Variants in GUCY2D observed in about 807,000 individuals in gnomAD.
GUCY2D encodes the protein guanylate cyclase 2D, retinal.
GUCY2D carries 70 observed loss-of-function variants against 101.3 expected under a neutral mutation model. That is an observed-to-expected ratio of 0.69 (90% confidence interval 0.57 to 0.84). The LOEUF is 0.84. GUCY2D is among the 40% of genes least tolerant of loss of function. GUCY2D has a pLI of 0.00. For synonymous variants in GUCY2D, 688 were observed against 670.7 expected, an observed-to-expected ratio of 1.03 and a Z score of -0.40; for missense variants, 1,460 against 1,542.5, an observed-to-expected ratio of 0.95 and a Z score of 0.90.
chr17:8,015,449 G>A lies in GUCY2D; in HGVS notation c.2891G>A (p.Arg964His), dbSNP rs1178480902. The A allele has an allele frequency of 2.5e-6, 4 of 1,613,694 alleles. No homozygotes were observed. Among genetic ancestry groups the A allele is most frequent in the Admixed American group, 1.7e-5 (1 of 60,026 alleles). ...ATCCTCAGTGCCGTGGGCACTTTCC[G>A]CATGCGCCATATGCCTGAGGTTCCC... ...LDILSAVGTF[R>H]MRHMPEVPVR... is the part of the protein sequence containing the mutation. The change falls in exon 15 of 20, where the codon CGC (arginine) becomes CAC (histidine). Residue 964 changes from arginine (R) to histidine (H), a missense_variant. Transcript: ENST00000254854.
chr17:8,006,626 C>G lies in GUCY2D; in HGVS notation c.1290C>G (p.Ala430=). ...CTGCCCGGGGCTCCTTCCTCTCCGC[C>G]GGTACCCGGATGCACTTCCCGCGTG... ...LDPARGSFLS[A]GTRMHFPRGG... Residue 430 remains alanine, a synonymous_variant, in exon 4 of 20, where the codon GCC becomes GCG. Coordinates refer to ENST00000254854, the MANE Select transcript of GUCY2D (RefSeq NM_000180.4). 6.2e-7 allele frequency: 1 copy of G among 1,612,860 alleles called. No homozygotes were observed. The highest frequency in any genetic ancestry group is 1.1e-5 in the South Asian group (1 of 90,820).
Position 8,014,145 on chromosome 17 carries a change from C to A in GUCY2D, c.2412+117C>A. ...GCAGGACCTCTGGCCTTCCAGGCTA[C>A]CTCCTAAGGAGTAGCCTGAAGACTC... is the stretch of plus-strand genomic sequence containing the variant. On this transcript the variant is annotated intron_variant, in intron 12 of 19. Transcript: ENST00000254854. This position sits in a 1 kb window ranked among gnomAD's most constrained non-coding sequence, Gnocchi z 4.0. 1 of 946,948 alleles carries A rather than the reference C, an allele frequency of 1.1e-6. No homozygotes were observed. Among genetic ancestry groups the A allele is most frequent in the East Asian group, 2.4e-5 (1 of 41,454 alleles). The allele number at this position is 946,948 out of a possible 1,614,324, so 58.7% of individuals were successfully genotyped here.
Position 8,002,804 on chromosome 17 carries a change from T to A in GUCY2D, c.-10+70T>A, listed in dbSNP as rs1325122381. ...GCGCAGGCGAGTCCCTGCTGACCCCTGACGCCTCCGACGGGGGGAGGGGCA... is the reference window on the plus strand; with the variant it reads ...GCGCAGGCGAGTCCCTGCTGACCCCAGACGCCTCCGACGGGGGGAGGGGCA... On this transcript the variant is annotated intron_variant, in intron 1 of 19. Coordinates refer to ENST00000254854, the MANE Select transcript of GUCY2D (RefSeq NM_000180.4). This position sits in a 1 kb window ranked among gnomAD's most constrained non-coding sequence, Gnocchi z 4.9. 10 of 517,740 alleles carry A rather than the reference T, an allele frequency of 1.9e-5. No homozygotes were observed. The highest frequency in any genetic ancestry group is 3.1e-5 in the Non-Finnish European group (9 of 294,678). 32.1% of individuals were successfully genotyped at this position (517,740 alleles called of 1,614,324 possible).
chr17:8,006,511 G>C lies in GUCY2D; in HGVS notation c.1175G>C (p.Gly392Ala). Residue 392 changes from glycine (G) to alanine (A), a missense_variant, in exon 4 of 20, where the codon GGG (glycine) becomes GCG (alanine). This residue lies in a region of GUCY2D where 1,196 missense variants were observed against 1,229.6 expected (regional missense o/e 0.97). Coordinates refer to ENST00000254854, the MANE Select transcript of GUCY2D (RefSeq NM_000180.4). ...IRDAQVPGFC[G>A]DLGGDEEPPF... is the part of the protein sequence containing the mutation. Reference sequence around the variant, plus strand: ...GATGCGCAGGTCCCTGGCTTCTGCGGGGACCTAGGAGGAGACGAGGAGCCC... The same window carrying C: ...GATGCGCAGGTCCCTGGCTTCTGCGCGGACCTAGGAGGAGACGAGGAGCCC... 1 of 1,610,066 alleles carries C rather than the reference G, an allele frequency of 6.2e-7. No individual in the cohort carries two copies. The highest frequency in any genetic ancestry group is 8.5e-7 in the Non-Finnish European group (1 of 1,179,996).
At position 8,013,262 on chromosome 17, in the gene GUCY2D, C is replaced by G; in HGVS notation, c.2263+10C>G. 6.2e-7 allele frequency: 1 copy of G among 1,613,596 alleles called. No homozygotes were observed. Among genetic ancestry groups the G allele is most frequent in the Non-Finnish European group, 8.5e-7 (1 of 1,179,708 alleles). ...GAGCTCACTCCCGAGGGTAAGGCTG[C>G]CCTGTGCGTGGAGTTCGGCCCACAG... On this transcript the variant is annotated intron_variant, in intron 11 of 19. Transcript: ENST00000254854. This position sits in a 1 kb window ranked among gnomAD's most constrained non-coding sequence, Gnocchi z 5.0.
Position 8,011,376 on chromosome 17 carries a change from C to A in GUCY2D, c.1750-768C>A, listed in dbSNP as rs1975848174. Among the ~76,000 whole-genome samples, 1 of 92,450 alleles carries A rather than the reference C, an allele frequency of 1.1e-5. No homozygotes were observed. Among genetic ancestry groups the A allele is most frequent in the Non-Finnish European group, 2.0e-5 (1 of 49,804 alleles). 60.7% of individuals were successfully genotyped at this position (92,450 alleles called of 152,430 possible). On this transcript the variant is annotated intron_variant, in intron 8 of 19. Transcript: ENST00000254854. The surrounding 1 kb of genome is among the most constrained non-coding windows in gnomAD (Gnocchi z 4.3). ...CCTGGGTGACAGAGTAAGAATCTGT[C>A]TAAAAAAAAAATACATAAACAAAAG... is the stretch of plus-strand genomic sequence containing the variant.
chr17:8,019,183 CTG>C (rs1437047861), intron 19 of GUCY2D, among the ~76,000 whole-genome samples: 3 of 152,186 alleles, frequency 2.0e-5, no homozygotes, highest in Non-Finnish European at 2.9e-5. Context: ...TTGGACCTGA[CTG>C]TGTGGATAGA....
chr17:8,011,524 C>T lies in GUCY2D; in HGVS notation c.1750-620C>T, dbSNP rs1057030349. ...TGCTTCCCTTAAGACCCAGGCAGTTCAGAGTTTTATGGCTGGGGCCAGGTG... is the reference window on the plus strand; with the variant it reads ...TGCTTCCCTTAAGACCCAGGCAGTTTAGAGTTTTATGGCTGGGGCCAGGTG... On this transcript the variant is annotated intron_variant, in intron 8 of 19. Transcript: ENST00000254854. The surrounding 1 kb of genome is among the most constrained non-coding windows in gnomAD (Gnocchi z 4.3). Among the ~76,000 whole-genome samples the T allele has an allele frequency of 1.3e-5, 2 of 151,900 alleles. No homozygotes were observed. Among genetic ancestry groups the T allele is most frequent in the South Asian group, 4.1e-4 (2 of 4,824 alleles).
At chr17:8,005,598 G>A (rs1975721883) in intron 3 of GUCY2D, among the ~76,000 whole-genome samples, 1 of 152,210 alleles carries the variant, frequency 6.6e-6, no homozygotes. Flanking sequence ...CCTGAAGGAT[G>A]GTCACTTCTA....
rs1261613028 is a variant in GUCY2D, at chr17:8,007,501, C to T, written c.1539C>T (p.Leu513=). 3.1e-6 allele frequency: 5 copies of T among 1,609,908 alleles called. No homozygotes were observed. The African/African-American group carries it at 6.7e-5, about 22-fold the overall frequency. The change falls in exon 6 of 20, where the codon CTC becomes CTT. Residue 513 remains leucine (L), a synonymous_variant. Coordinates refer to ENST00000254854, the MANE Select transcript of GUCY2D (RefSeq NM_000180.4). ...TGACCGTGGACGACATCACCTTTCT[C>T]CACCCACATGGGGGCACCTCTCGAA... ...IILTVDDITF[L]HPHGGTSRKV... is the part of the protein sequence containing the mutation.
At chr17:8,007,616 C>T in intron 6 of GUCY2D, 88 bp downstream of exon 6, 1 of 802,950 alleles carries the variant, frequency 1.2e-6, no homozygotes, top group South Asian at 1.4e-5. Context: ...CAGCTCCCTA[C>T]TTGGGAAGCC....
Position 8,012,155 on chromosome 17 carries a change from C to G in GUCY2D, c.1761C>G (p.Leu587=). The change falls in exon 9 of 20, where the codon CTC becomes CTG. Residue 587 remains leucine, a synonymous_variant. Transcript: ENST00000254854. ...TKTAFSKLQE[L]RHENVALYLG... ...TCTCCCCCTCTCAGCTCCAGGAGCT[C>G]CGGCATGAGAACGTGGCCCTCTACC... The G allele has an allele frequency of 6.2e-7, 1 of 1,613,462 alleles. No individual in the cohort carries two copies. The highest frequency in any genetic ancestry group is 8.5e-7 in the Non-Finnish European group (1 of 1,179,698).
In GUCY2D at chr17:8,002,648, A is replaced by G; in HGVS notation, c.-96A>G. The G allele has an allele frequency of 5.1e-6, 1 of 195,988 alleles. No individual in the cohort carries two copies. The highest frequency in any genetic ancestry group is 1.1e-4 in the South Asian group (1 of 8,794). The allele number at this position is 195,988 out of a possible 1,614,324, so 12.1% of individuals were successfully genotyped here. On this transcript the variant is annotated 5_prime_UTR_variant, in exon 1 of 20. Transcript: ENST00000254854. This position sits in a 1 kb window ranked among gnomAD's most constrained non-coding sequence, Gnocchi z 4.9. ...GCCCCCGCCCTGGCCTGGGCTGGCAAGGAAGACCTGTGGGCGGGCGTCAAA... is the reference window on the plus strand; with the variant it reads ...GCCCCCGCCCTGGCCTGGGCTGGCAGGGAAGACCTGTGGGCGGGCGTCAAA...
At chr17:8,017,575 G>A (rs1472352282) in intron 19 of GUCY2D, among the ~76,000 whole-genome samples, 1 of 152,216 alleles carries the variant, frequency 6.6e-6, no homozygotes, top group Non-Finnish European at 1.5e-5. Context: ...TTGCTTCAAT[G>A]CTTTGAGGAA....
Position 8,003,531 on chromosome 17 carries a change from GC to G in GUCY2D, c.488del (p.Pro163LeufsTer3). 1 of 1,543,244 alleles carries G rather than the reference GC, an allele frequency of 6.5e-7. No homozygotes were observed. The highest frequency in any genetic ancestry group is 8.7e-7 in the Non-Finnish European group (1 of 1,151,856). The part of the protein sequence containing the change: ...CPWTQAEGTT[A>X]PAVTPAADAL... The stretch of plus-strand genomic sequence containing the variant: ...CTGGACGCAGGCGGAGGGCACCACG[GC>G]CCCTGCCGTGACCCCCGCCGCGGAT... On this transcript the variant is annotated frameshift_variant, in exon 2 of 20. Coordinates refer to ENST00000254854, the MANE Select transcript of GUCY2D (RefSeq NM_000180.4). LOFTEE classifies it high-confidence loss of function.
intron 18 of GUCY2D, 38 bp from the exon 19 acceptor site, chr17:8,016,405 C>T (rs1381235798): frequency 6.7e-7 from 1 of 1,486,576 alleles, no homozygotes; most frequent in Non-Finnish European, 9.2e-7. Flanking sequence ...TCCCACGCCC[C>T]ATTCCCCTTC....
chr17:8,013,349 T>G lies in GUCY2D; in HGVS notation c.2263+97T>G. On this transcript the variant is annotated intron_variant, in intron 11 of 19. Transcript: ENST00000254854. The surrounding 1 kb of genome is among the most constrained non-coding windows in gnomAD (Gnocchi z 5.0). The stretch of plus-strand genomic sequence containing the variant: ...TTTCCTCTAAAGCAAAGCCCAGTGA[T>G]GAAACTCAATTATACGGAGGCCCCC... 1 of 1,246,272 alleles carries G rather than the reference T, an allele frequency of 8.0e-7. No individual in the cohort carries two copies. Among genetic ancestry groups the G allele is most frequent in the Non-Finnish European group, 1.2e-6 (1 of 868,218 alleles). 77.2% of individuals were successfully genotyped at this position (1,246,272 alleles called of 1,614,324 possible). A position where few individuals can be genotyped will look rare whatever the true frequency, so the allele number is the denominator to read the frequency against.
intron 3 of GUCY2D, among the ~76,000 whole-genome samples, chr17:8,004,531 C>G (rs539723740): frequency 6.6e-6 from 1 of 152,158 alleles, no homozygotes; most frequent in African/African-American, 2.4e-5. Flanking sequence ...ACCTTCATCC[C>G]TAGTTCAGAG....
intron 2 of GUCY2D, 30 bp from the exon 3 acceptor site, chr17:8,003,822 C>T (rs778752848): frequency 7.5e-6 from 12 of 1,604,506 alleles, no homozygotes; most frequent in Non-Finnish European, 1.0e-5. Flanking sequence ...GGCAGCCGGA[C>T]GGCGCCGCGA....
Sources: gnomAD v4.1 joint callset for allele counts (sites outside exome capture counted in the v4.1 genomes callset) on GRCh38, gnomAD v4.1.1 for gene constraint, gnomAD v4.1.1 regional missense constraint, Gnocchi (gnomAD v3.1) non-coding constraint, MANE v1.5 for transcripts, NCBI Gene and HGNC (gene_info 2026-07-23, HGNC 2026-07-21) for gene names.